Variants in HEPACAM observed in about 807,000 individuals in gnomAD.
HEPACAM encodes hepatic and glial cell adhesion molecule.
Under a neutral mutation model 38.3 loss-of-function variants are expected in HEPACAM, and 18 were observed. The observed-to-expected ratio is 0.47, with a 90% confidence interval of 0.33 to 0.70. HEPACAM has a LOEUF of 0.70. Ranked by LOEUF, HEPACAM falls within the 30% of genes least tolerant of loss-of-function variation. The pLI is 0.03. For missense variants in HEPACAM, 466 were observed against 563.0 expected (o/e 0.83, Z 1.74); for synonymous variants, 216 against 243.1 (o/e 0.89, Z 1.04).
chr11:124,935,805 G>A, intron 1 of HEPACAM, 117 bp downstream of exon 1: 1 of 817,364 alleles, frequency 1.2e-6, no homozygotes. Flanking sequence ...TCCCACGGCA[G>A]CTGAACTCTC....
At position 124,920,592 on chromosome 11, in the gene HEPACAM, T is replaced by G. The variant is rs1342556161; in HGVS notation, c.*546A>C. The G allele has an allele frequency of 6.2e-6, 7 of 1,126,734 alleles. No homozygotes were observed. The highest frequency in any genetic ancestry group is 6.6e-6 in the Non-Finnish European group (6 of 908,602). The allele number at this position is 1,126,734 out of a possible 1,614,324, so 69.8% of individuals were successfully genotyped here. A position where few individuals can be genotyped will look rare whatever the true frequency, so the allele number is the denominator to read the frequency against. ...GATCCCCCCAGCTCAGAACAGCCCC[T>G]GCACACCCAGTAACCGGCATCTGGC... On this transcript the variant is annotated 3_prime_UTR_variant, in exon 7 of 7. Transcript: ENST00000298251.
intron 1 of HEPACAM, among the ~76,000 whole-genome samples, chr11:124,928,902 T>TCA (rs2135404060): frequency 6.6e-6 from 1 of 152,358 alleles, no homozygotes; most frequent in South Asian, 2.1e-4. Flanking sequence ...TGAGGCTGTG[T>TCA]CACAGGTGTG....
chr11:124,919,896 T>C lies in HEPACAM; in HGVS notation c.*1242A>G, dbSNP rs777210646. On this transcript the variant is annotated 3_prime_UTR_variant, in exon 7 of 7. Transcript: ENST00000298251. The stretch of plus-strand genomic sequence containing the variant: ...AGGGCCTCCTTCTCTTTCAGCTTTT[T>C]AATTGCCCTCTCTCCTCACACAGTA... 4 of 1,614,036 alleles carry C rather than the reference T, an allele frequency of 2.5e-6. No homozygotes were observed. The South Asian group carries it at 3.3e-5, about 13-fold the overall frequency.
chr11:124,922,844 G>T, intron 4 of HEPACAM, 26 bp from the exon 5 acceptor site: 1 of 1,612,710 alleles, frequency 6.2e-7, no homozygotes, highest in Non-Finnish European at 8.5e-7. Flanking sequence ...GCCCCACTAT[G>T]AGCCGAATTA....
rs925809764 is a variant in HEPACAM at position 124,920,565 on chromosome 11, A to G, written c.*573T>C. The G allele has an allele frequency of 2.3e-6, 3 of 1,330,592 alleles. No homozygotes were observed. In the African/African-American group the frequency reaches 4.5e-5, roughly 20 times the overall value. 82.4% of individuals were successfully genotyped at this position (1,330,592 alleles called of 1,614,324 possible). A position where few individuals can be genotyped will look rare whatever the true frequency, so the allele number is the denominator to read the frequency against. On this transcript the variant is annotated 3_prime_UTR_variant, in exon 7 of 7. Coordinates refer to ENST00000298251, the MANE Select transcript of HEPACAM (RefSeq NM_152722.5). ...GTGCCCAGGGAAGAAGGCCTTCACA[A>G]TGATCCCCCCAGCTCAGAACAGCCC... is the stretch of plus-strand genomic sequence containing the variant.
chr11:124,921,011 A>T lies in HEPACAM; in HGVS notation c.*127T>A. On this transcript the variant is annotated 3_prime_UTR_variant, in exon 7 of 7. Transcript: ENST00000298251. The surrounding 1 kb of genome is among the most constrained non-coding windows in gnomAD (Gnocchi z 4.6). ...GCATGCTCATACACGTTCACACCCGAGACACCAGCGCCCCCCCGGGACCTC... is the reference window on the plus strand; with the variant it reads ...GCATGCTCATACACGTTCACACCCGTGACACCAGCGCCCCCCCGGGACCTC... 2.9e-6 allele frequency: 4 copies of T among 1,401,612 alleles called. No individual in the cohort carries two copies. Among genetic ancestry groups the T allele is most frequent in the Non-Finnish European group, 3.7e-6 (4 of 1,082,200 alleles). 86.8% of individuals were successfully genotyped at this position (1,401,612 alleles called of 1,614,324 possible).
chr11:124,920,995 T>A lies in HEPACAM; in HGVS notation c.*143A>T, dbSNP rs1345306660. 1.4e-6 allele frequency: 2 copies of A among 1,389,766 alleles called. No homozygotes were observed. Among genetic ancestry groups the A allele is most frequent in the African/African-American group, 1.5e-5 (1 of 65,486 alleles). 86.1% of individuals were successfully genotyped at this position (1,389,766 alleles called of 1,614,324 possible). On this transcript the variant is annotated 3_prime_UTR_variant, in exon 7 of 7. Transcript: ENST00000298251. The stretch of plus-strand genomic sequence containing the variant: ...ACCCGCCTCCGTCTGCGCATGCTCA[T>A]ACACGTTCACACCCGAGACACCAGC...
chr11:124,919,776 CT>C lies in HEPACAM; in HGVS notation c.*1361del, dbSNP rs1565335848. The stretch of plus-strand genomic sequence containing the variant: ...ATGGGTAACTGGGGCCTTGGAATTG[CT>C]CCATGGGTTGATGGCGAATCAGAGC... On this transcript the variant is annotated 3_prime_UTR_variant, in exon 7 of 7. Coordinates refer to ENST00000298251, the MANE Select transcript of HEPACAM (RefSeq NM_152722.5). 6.2e-7 allele frequency: 1 copy of C among 1,614,036 alleles called. No homozygotes were observed. The highest frequency in any genetic ancestry group is 8.5e-7 in the Non-Finnish European group (1 of 1,179,980).
rs895364813 is a variant in HEPACAM, at chr11:124,920,099, G to C, written c.*1039C>G. The stretch of plus-strand genomic sequence containing the variant: ...GATGGGTGGCAGGAGGCCAGGGGTT[G>C]GATCATGTTCCCCCCAAATGCTGGG... On this transcript the variant is annotated 3_prime_UTR_variant, in exon 7 of 7. Transcript: ENST00000298251. 4.2e-5 allele frequency: 61 copies of C among 1,461,686 alleles called. No homozygotes were observed. The highest frequency in any genetic ancestry group is 5.0e-5 in the Non-Finnish European group (54 of 1,073,442). 90.5% of individuals were successfully genotyped at this position (1,461,686 alleles called of 1,614,324 possible). A position where few individuals can be genotyped will look rare whatever the true frequency, so the allele number is the denominator to read the frequency against.
chr11:124,923,398 C>A lies in HEPACAM; in HGVS notation c.745G>T (p.Gly249Cys). 1 of 1,613,518 alleles carries A rather than the reference C, an allele frequency of 6.2e-7. No homozygotes were observed. The highest frequency in any genetic ancestry group is 8.5e-7 in the Non-Finnish European group (1 of 1,179,536). The change falls in exon 4 of 7, where the codon GGC becomes TGC. Residue 249 changes from glycine (G) to cysteine (C), a missense_variant. By Grantham distance (159) the Gly-to-Cys change is radical (BLOSUM62 -3). Transcript: ENST00000298251. Reference sequence around the variant, plus strand: ...ACCAAGGTCACAAGGAGGAAGATGCCTCCTGTAGACAAGATGATGTAAAGG... The same window carrying A: ...ACCAAGGTCACAAGGAGGAAGATGCATCCTGTAGACAAGATGATGTAAAGG... ...SSLYIILSTG[G>C]IFLLVTLVTV...
chr11:124,931,800 T>C (rs932360900), intron 1 of HEPACAM, among the ~76,000 whole-genome samples: 3 of 152,234 alleles, frequency 2.0e-5, no homozygotes, highest in African/African-American at 7.2e-5. Flanking sequence ...ACTCTGTTCA[T>C]AAAGCCCCGA....
Position 124,925,031 on chromosome 11 carries a change from G to A in HEPACAM, c.124C>T (p.Leu42=). Residue 42 remains leucine (L), a synonymous_variant, in exon 2 of 7, where the codon CTG becomes TTG. Coordinates refer to ENST00000298251, the MANE Select transcript of HEPACAM (RefSeq NM_152722.5). ...GACTTCCCCACGGTGCCATGGATCA[G>A]GCGCACGGGGCTGGTGATGTTCACC... The part of the protein sequence containing the change: ...EGVNITSPVR[L]IHGTVGKSAL... 6.2e-7 allele frequency: 1 copy of A among 1,603,522 alleles called. No homozygotes were observed. Among genetic ancestry groups the A allele is most frequent in the Non-Finnish European group, 8.5e-7 (1 of 1,172,600 alleles).
chr11:124,935,947 A>G lies in HEPACAM; in HGVS notation c.60T>C (p.Phe20=), dbSNP rs758933521. ...RASRALRLAP[F]VYLLLIQTDP... is the part of the protein sequence containing the mutation. The stretch of plus-strand genomic sequence containing the variant: ...CTGTCTGGATCAGAAGAAGGTAGAC[A>G]AAAGGAGCAAGGCGCAGGGCCCTGG... The change falls in exon 1 of 7, where the codon TTT becomes TTC. Residue 20 remains phenylalanine (F), a synonymous_variant. Coordinates refer to ENST00000298251, the MANE Select transcript of HEPACAM (RefSeq NM_152722.5). 6.2e-7 allele frequency: 1 copy of G among 1,614,006 alleles called. No homozygotes were observed. The highest frequency in any genetic ancestry group is 1.1e-5 in the South Asian group (1 of 91,084).
At position 124,924,805 on chromosome 11, in the gene HEPACAM, T is replaced by C; in HGVS notation, c.350A>G (p.Glu117Gly). 6.2e-7 allele frequency: 1 copy of C among 1,614,142 alleles called. No homozygotes were observed. Among genetic ancestry groups the C allele is most frequent in the Non-Finnish European group, 8.5e-7 (1 of 1,180,012 alleles). The change falls in exon 2 of 7, where the codon GAG (glutamate) becomes GGG (glycine). Residue 117 changes from glutamate (E) to glycine (G), a missense_variant. By Grantham distance (98) the Glu-to-Gly change is moderately conservative. Transcript: ENST00000298251. This position sits in a 1 kb window ranked among gnomAD's most constrained non-coding sequence, Gnocchi z 4.4. ...LLLSDLQLAD[E>G]GTYEVEISIT... ...GGAGATCTCGACCTCATAGGTGCCC[T>C]CATCGGCCAGCTGCAGGTCGCTGAG...
At chr11:124,923,124 G>C (rs1947161673) in intron 4 of HEPACAM, among the ~76,000 whole-genome samples, 1 of 152,176 alleles carries the variant, frequency 6.6e-6, no homozygotes, top group Admixed American at 6.5e-5. Flanking sequence ...TCCCAAAAAA[G>C]GTGGTTGGCC....
Position 124,927,960 on chromosome 11 carries a change from G to A in HEPACAM, c.86-2891C>T, listed in dbSNP as rs116790793. Among the ~76,000 whole-genome samples, 1,472 of 152,332 alleles carry A rather than the reference G, an allele frequency of 9.7e-3. 28 individuals are homozygous for A. Among genetic ancestry groups the A allele is most frequent in the African/African-American group, 0.034 (1,409 of 41,568 alleles). On this transcript the variant is annotated intron_variant, in intron 1 of 6. Coordinates refer to ENST00000298251, the MANE Select transcript of HEPACAM (RefSeq NM_152722.5). ...ACAGCTCTACTGATTAAAGCTGAAT[G>A]TGTGAATATCATATGCTTGCTGTTG...
At position 124,920,918 on chromosome 11, in the gene HEPACAM, C is replaced by T; in HGVS notation, c.*220G>A. On this transcript the variant is annotated 3_prime_UTR_variant, in exon 7 of 7. Transcript: ENST00000298251. ...ACCAAGTGAGGACACAGCCAGTAAA[C>T]CGGAAGCAAATGCGACCCGGTTTCA... is the stretch of plus-strand genomic sequence containing the variant. The T allele has an allele frequency of 7.4e-7, 1 of 1,355,678 alleles. No homozygotes were observed. Among genetic ancestry groups the T allele is most frequent in the Non-Finnish European group, 9.5e-7 (1 of 1,057,146 alleles). The allele number at this position is 1,355,678 out of a possible 1,614,324, so 84.0% of individuals were successfully genotyped here.
intron 3 of HEPACAM, 23 bp downstream of exon 3, chr11:124,923,706 G>A (rs753518405): frequency 6.2e-7 from 1 of 1,613,778 alleles, no homozygotes; most frequent in East Asian, 2.2e-5. Flanking sequence ...GAGTACTAAA[G>A]GAAAGCCTGC....
chr11:124,929,002 C>A (rs769452776), intron 1 of HEPACAM, among the ~76,000 whole-genome samples: 1 of 152,170 alleles, frequency 6.6e-6, no homozygotes, highest in Non-Finnish European at 1.5e-5. Context: ...CCCCAAGCAC[C>A]AAACTTTGAG....
Sources: gnomAD v4.1 joint callset for allele counts (sites outside exome capture counted in the v4.1 genomes callset) on GRCh38, gnomAD v4.1.1 for gene constraint, Gnocchi (gnomAD v3.1) non-coding constraint, MANE v1.5 for transcripts, NCBI Gene and HGNC (gene_info 2026-07-23, HGNC 2026-07-21) for gene names.